EIF2AK4: variants seen among roughly 807,000 people sequenced by gnomAD.
EIF2AK4 encodes the protein eukaryotic translation initiation factor 2 alpha kinase 4.
In EIF2AK4, 139 loss-of-function variants were observed where a neutral mutation model predicts 211.1. The observed-to-expected ratio is 0.66, with a 90% CI of 0.57 to 0.76. The LOEUF is 0.76. EIF2AK4 is among the 30% of genes least tolerant of loss of function. The probability of loss-of-function intolerance (pLI) is 0.00; values close to 1 mark genes in which losing one functional copy is unlikely to be tolerated. For synonymous variants in EIF2AK4, 710 were observed against 751.3 expected (o/e 0.94, Z 0.90); for missense variants, 1,664 against 2,043.8 (o/e 0.81, Z 3.58).
chr15:39,948,048 C>T (rs1260190806), intron 3 of EIF2AK4, among the ~76,000 whole-genome samples: 1 of 152,284 alleles, frequency 6.6e-6, no homozygotes, highest in East Asian at 1.9e-4. Flanking sequence ...AGACTGTAGA[C>T]TAGTGTTTCT....
intron 32 of EIF2AK4, among the ~76,000 whole-genome samples, chr15:40,024,008 C>A (rs1304503136): frequency 6.6e-6 from 1 of 152,140 alleles, no homozygotes; most frequent in Admixed American, 6.5e-5. Context: ...CTATGTATGG[C>A]CCTCAAAGCT....
chr15:39,934,406 C>G, intron 1 of EIF2AK4, 67 bp downstream of exon 1: 3 of 1,525,460 alleles, frequency 2.0e-6, no homozygotes, highest in Non-Finnish European at 1.8e-6. Context: ...GGCCAAAGCC[C>G]GGACACTTCC....
chr15:39,949,394 G>T lies in EIF2AK4; in HGVS notation c.513+126G>T, dbSNP rs973031289. 4 of 1,357,712 alleles carry T rather than the reference G, an allele frequency of 2.9e-6. No homozygotes were observed. In the African/African-American group the frequency reaches 5.8e-5, roughly 20 times the overall value. The allele number at this position is 1,357,712 out of a possible 1,614,324, so 84.1% of individuals were successfully genotyped here. Reference sequence around the variant, plus strand: ...TTGCTCAGCCTTTGATTCAAGAAAGGTAGACACATGTGAGAGTATGAAAAA... The same window carrying T: ...TTGCTCAGCCTTTGATTCAAGAAAGTTAGACACATGTGAGAGTATGAAAAA... On this transcript the variant is annotated intron_variant, in intron 4 of 38. Coordinates refer to ENST00000263791, the MANE Select transcript of EIF2AK4 (RefSeq NM_001013703.4).
intron 2 of EIF2AK4, among the ~76,000 whole-genome samples, chr15:39,939,836 T>C (rs2034120115): frequency 1.3e-5 from 2 of 152,252 alleles, no homozygotes; most frequent in African/African-American, 4.8e-5. Flanking sequence ...TACAGATACT[T>C]ATATTTGCCT....
intron 3 of EIF2AK4, 139 bp from the exon 4 acceptor site, chr15:39,948,977 G>A: frequency 1.0e-6 from 1 of 977,650 alleles, no homozygotes; most frequent in Non-Finnish European, 1.5e-6. Context: ...ACCGAATTCA[G>A]AGTATGTCAT....
intron 8 of EIF2AK4, among the ~76,000 whole-genome samples, 167 bp from the exon 9 acceptor site, chr15:39,967,177 T>C (rs2034555140): frequency 6.6e-6 from 1 of 152,190 alleles, no homozygotes; most frequent in African/African-American, 2.4e-5. Context: ...GGCATATTTG[T>C]TCTCCTCTCA....
Position 39,992,753 on chromosome 15 carries a change from G to C in EIF2AK4, c.2687-16G>C. The C allele has an allele frequency of 2.5e-6, 4 of 1,613,026 alleles. No homozygotes were observed. Among genetic ancestry groups the C allele is most frequent in the Non-Finnish European group, 3.4e-6 (4 of 1,179,112 alleles). On this transcript the variant is annotated splice_polypyrimidine_tract_variant and intron_variant, in intron 17 of 38. Transcript: ENST00000263791. ...GCTATTATTGGGACGTTTTCCCTCT[G>C]TTTTCCTCCACACAGGTCACTTAAC...
At chr15:39,940,284 A>G (rs1049484443) in intron 2 of EIF2AK4, among the ~76,000 whole-genome samples, 2 of 152,222 alleles carry the variant, frequency 1.3e-5, no homozygotes, top group Non-Finnish European at 2.9e-5. Context: ...GCACTTAAGC[A>G]TGTCTATTTG....
chr15:39,990,625 G>T (rs936970061), intron 16 of EIF2AK4, among the ~76,000 whole-genome samples: 1 of 152,182 alleles, frequency 6.6e-6, no homozygotes, highest in Non-Finnish European at 1.5e-5. Flanking sequence ...GTGGTCAAAG[G>T]TGTACAGTAC....
chr15:40,012,658 A>C (rs1485710837), intron 27 of EIF2AK4, among the ~76,000 whole-genome samples: 1 of 152,044 alleles, frequency 6.6e-6, no homozygotes, highest in Non-Finnish European at 1.5e-5. Context: ...ACATTTCAGA[A>C]CATCTTTTTT....
Position 40,032,787 on chromosome 15 carries a change from T to C in EIF2AK4, c.4759T>C (p.Phe1587Leu), listed in dbSNP as rs759394541. The change falls in exon 37 of 39, where the codon TTT becomes CTT. Residue 1587 changes from phenylalanine to leucine, a missense_variant. Phe to Leu is a conservative substitution (Grantham distance 22). Transcript: ENST00000263791. The stretch of plus-strand genomic sequence containing the variant: ...TCTACCCAAAGAAACAATATTACAG[T>C]TTTTATCATTAGAGGTAAGCAATAT... ...VDLPKETILQ[F>L]LSLEWDADEQ... The C allele has an allele frequency of 2.5e-6, 4 of 1,613,380 alleles. No homozygotes were observed. In the Middle Eastern group the frequency reaches 5.0e-4, roughly 200 times the overall value.
intron 13 of EIF2AK4, among the ~76,000 whole-genome samples, chr15:39,982,213 C>G (rs1595407744): frequency 6.6e-6 from 1 of 152,022 alleles, no homozygotes; most frequent in South Asian, 2.1e-4. Context: ...CGTGAGCCAT[C>G]GTGCCCAGCC....
chr15:39,974,067 C>G (rs2034660913), intron 11 of EIF2AK4: 1 of 182,694 alleles, frequency 5.5e-6, no homozygotes, highest in Non-Finnish European at 1.1e-5. Flanking sequence ...TCAGAAAGAA[C>G]ATTGTTCTTT....
At chr15:39,953,780 T>C in intron 4 of EIF2AK4, 124 bp from the exon 5 acceptor site, 1 of 921,806 alleles carries the variant, frequency 1.1e-6, no homozygotes, top group South Asian at 1.7e-5. Context: ...TGCTGTGTTT[T>C]CAGATCTCTT....
At chr15:39,941,898 T>A (rs1566980112) in intron 2 of EIF2AK4, among the ~76,000 whole-genome samples, 1 of 152,196 alleles carries the variant, frequency 6.6e-6, no homozygotes, top group Non-Finnish European at 1.5e-5. Context: ...TTCAGGTAAA[T>A]CTTAATGTGT....
intron 7 of EIF2AK4, among the ~76,000 whole-genome samples, chr15:39,962,332 A>T (rs1049114500): frequency 6.6e-6 from 1 of 152,244 alleles, no homozygotes; most frequent in Non-Finnish European, 1.5e-5. Flanking sequence ...TAAATCTGTC[A>T]TCATTATAAT....
intron 31 of EIF2AK4, chr15:40,021,867 A>C (rs2035392383): frequency 6.6e-6 from 1 of 152,486 alleles, no homozygotes; most frequent in Non-Finnish European, 1.5e-5. Flanking sequence ...ATCACCTGCC[A>C]GGAGGCTTCT....
At chr15:40,026,420 G>A (rs2035466279) in intron 33 of EIF2AK4, among the ~76,000 whole-genome samples, 1 of 152,124 alleles carries the variant, frequency 6.6e-6, no homozygotes, top group South Asian at 2.1e-4. Flanking sequence ...TCATACCACT[G>A]CACTCCAGCC....
chr15:39,936,227 C>T (rs1026493286), intron 1 of EIF2AK4, among the ~76,000 whole-genome samples: 11 of 152,152 alleles, frequency 7.2e-5, no homozygotes, highest in African/African-American at 2.4e-4. Context: ...CTATAGAAGG[C>T]AGGCAGAAGA....
Sources: gnomAD v4.1 joint callset for allele counts (sites outside exome capture counted in the v4.1 genomes callset) on GRCh38, gnomAD v4.1.1 for gene constraint, MANE v1.5 for transcripts, NCBI Gene and HGNC (gene_info 2026-07-23, HGNC 2026-07-21) for gene names.